Variants in UBE2E3 observed in about 807,000 individuals in gnomAD.
UBE2E3 encodes ubiquitin-conjugating enzyme E2 E3.
In UBE2E3, 5 loss-of-function variants were observed where a neutral mutation model predicts 23.6. The observed-to-expected ratio is 0.21, with a 90% CI of 0.11 to 0.44. The LOEUF is 0.44. Ranked by LOEUF, UBE2E3 falls within the 20% of genes least tolerant of loss-of-function variation. The pLI is 0.99. For missense variants in UBE2E3, 81 were observed against 249.8 expected (o/e 0.32, Z 4.55); for synonymous variants, 78 against 87.5 (o/e 0.89, Z 0.60).
At chr2:180,985,795 T>G (rs923866587) in intron 3 of UBE2E3, among the ~76,000 whole-genome samples, 3 of 152,250 alleles carry the variant, frequency 2.0e-5, no homozygotes, top group South Asian at 4.1e-4. Flanking sequence ...TCAAACATTT[T>G]TAAAGGTTTC....
intron 3 of UBE2E3, among the ~76,000 whole-genome samples, chr2:181,056,880 A>C (rs1687003658): frequency 6.6e-6 from 1 of 151,788 alleles, no homozygotes; most frequent in African/African-American, 2.4e-5. Flanking sequence ...ATCACCAATG[A>C]GGTACAGGTA....
chr2:181,009,180 G>A (rs1685242858), intron 3 of UBE2E3, among the ~76,000 whole-genome samples: 1 of 151,970 alleles, frequency 6.6e-6, no homozygotes, highest in South Asian at 2.1e-4. Context: ...TTCTTCCTTA[G>A]TAATTGTTAA....
intron 3 of UBE2E3, among the ~76,000 whole-genome samples, chr2:180,996,196 G>A (rs1247459088): frequency 6.6e-6 from 1 of 152,152 alleles, no homozygotes; most frequent in Non-Finnish European, 1.5e-5. Flanking sequence ...ATAACAATGC[G>A]AGTACATACA....
At chr2:181,034,653 G>A (rs536985554) in intron 3 of UBE2E3, among the ~76,000 whole-genome samples, 26 of 151,972 alleles carry the variant, frequency 1.7e-4, no homozygotes, top group African/African-American at 6.3e-4. Flanking sequence ...TTGTGCACAT[G>A]TACCCTAGAA....
At chr2:180,980,592 C>T (rs954560752), upstream of UBE2E3, 1 of 148,796 alleles carries the variant, frequency 6.7e-6, no homozygotes, top group African/African-American at 2.4e-5. The surrounding 1 kb of genome is among the most constrained non-coding windows in gnomAD (Gnocchi z 5.5). Context: ...CCCCTCCCCC[C>T]CGCGCTCGCC....
chr2:181,043,657 A>G (rs188342301), intron 3 of UBE2E3, among the ~76,000 whole-genome samples: 2 of 152,288 alleles, frequency 1.3e-5, no homozygotes, highest in African/African-American at 4.8e-5. Context: ...AAAGTAAAAT[A>G]TAATAATTAA....
intron 5 of UBE2E3, 38 bp from the exon 6 acceptor site, chr2:181,062,753 C>T: frequency 7.6e-7 from 1 of 1,320,228 alleles, no homozygotes; most frequent in Admixed American, 1.8e-5. Flanking sequence ...GAAGAAGATA[C>T]CACAAAATAG....
At chr2:181,052,724 A>T (rs939294212) in intron 3 of UBE2E3, among the ~76,000 whole-genome samples, 1 of 150,572 alleles carries the variant, frequency 6.6e-6, no homozygotes, top group African/African-American at 2.4e-5. Flanking sequence ...GTTTCTAATC[A>T]TATCAAGACC....
intron 3 of UBE2E3, among the ~76,000 whole-genome samples, chr2:181,007,215 T>A (rs1230005040): frequency 6.6e-6 from 1 of 152,206 alleles, no homozygotes; most frequent in East Asian, 1.9e-4. Context: ...CCCCTTTGAG[T>A]AAGCTGAGAG....
intron 3 of UBE2E3, among the ~76,000 whole-genome samples, chr2:180,986,414 TTGGAA>T (rs1684471464): frequency 6.6e-6 from 1 of 152,126 alleles, no homozygotes; most frequent in Non-Finnish European, 1.5e-5. Flanking sequence ...TGAGTAGGAA[TTGGAA>T]TACTGAGTGT....
At position 181,004,892 on chromosome 2, in the gene UBE2E3, TCAGA is replaced by T. The variant is rs142269443; in HGVS notation, c.245+20806_245+20809del. ...ATGCTAGTGTTTGTATGATAAATCTTCAGACAGACAATGTCTTACGAAGAAAATA... is the reference window on the plus strand; with the variant it reads ...ATGCTAGTGTTTGTATGATAAATCTTCAGACAATGTCTTACGAAGAAAATA... On this transcript the variant is annotated intron_variant, in intron 3 of 5. Transcript: ENST00000410062. 1.2e-3 allele frequency among the ~76,000 whole-genome samples: 190 copies of T among 152,324 alleles called. 3 individuals carry two copies. In the East Asian group the frequency reaches 0.035, roughly 28 times the overall value.
At chr2:181,009,909 A>G (rs1347714254) in intron 3 of UBE2E3, among the ~76,000 whole-genome samples, 1 of 152,088 alleles carries the variant, frequency 6.6e-6, no homozygotes, top group Admixed American at 6.6e-5. Flanking sequence ...TTTTCTTGAT[A>G]AGCTAACTTT....
At chr2:180,998,620 A>G (rs1684901377) in intron 3 of UBE2E3, among the ~76,000 whole-genome samples, 1 of 152,144 alleles carries the variant, frequency 6.6e-6, no homozygotes, top group Admixed American at 6.6e-5. Flanking sequence ...CACCATTGGT[A>G]ATAATGTGGG....
chr2:181,043,231 T>A (rs1315175122), intron 3 of UBE2E3, among the ~76,000 whole-genome samples: 1 of 152,204 alleles, frequency 6.6e-6, no homozygotes, highest in Non-Finnish European at 1.5e-5. Flanking sequence ...TGGTATGTTC[T>A]ATTTTTTTAC....
intron 5 of UBE2E3, among the ~76,000 whole-genome samples, chr2:181,061,964 A>G (rs1687168427): frequency 6.6e-6 from 1 of 151,686 alleles, no homozygotes; most frequent in African/African-American, 2.4e-5. Flanking sequence ...AACGTTTAAA[A>G]AGAATGTGAC....
intron 3 of UBE2E3, among the ~76,000 whole-genome samples, chr2:181,056,528 C>T (rs1034640836): frequency 1.6e-4 from 25 of 151,734 alleles, no homozygotes; most frequent in Non-Finnish European, 8.8e-5. Flanking sequence ...CTCTTTTTAA[C>T]AATGAGTTCT....
At chr2:180,992,738 C>T (rs956175419) in intron 3 of UBE2E3, among the ~76,000 whole-genome samples, 11 of 152,048 alleles carry the variant, frequency 7.2e-5, no homozygotes, top group African/African-American at 2.4e-4. Context: ...GTCAGCTCAC[C>T]GCAACCTCTG....
intron 3 of UBE2E3, among the ~76,000 whole-genome samples, chr2:181,006,406 T>C (rs1685148403): frequency 1.3e-5 from 2 of 151,272 alleles, no homozygotes. Context: ...TTCCACCTTT[T>C]GCCGTTCCAG....
intron 3 of UBE2E3, among the ~76,000 whole-genome samples, chr2:180,984,883 A>G (rs1684405928): frequency 6.6e-6 from 1 of 152,126 alleles, no homozygotes; most frequent in South Asian, 2.1e-4. Flanking sequence ...ATGGCTTACA[A>G]AATTGAACAC....
Sources: gnomAD v4.1 joint callset for allele counts (sites outside exome capture counted in the v4.1 genomes callset) on GRCh38, gnomAD v4.1.1 for gene constraint, Gnocchi (gnomAD v3.1) non-coding constraint, MANE v1.5 for transcripts, NCBI Gene and HGNC (gene_info 2026-07-23, HGNC 2026-07-21) for gene names.